Variants in BBS9 observed in about 807,000 individuals in gnomAD.
BBS9 encodes Bardet-Biedl syndrome 9.
A neutral mutation model predicts 117.7 loss-of-function variants in BBS9; 89 were observed. That is an observed-to-expected ratio of 0.76 (90% confidence interval 0.64 to 0.90). The LOEUF (loss-of-function observed/expected upper bound fraction) is 0.90. BBS9 is among the 40% of genes least tolerant of loss of function. The pLI is 0.00. For synonymous variants in BBS9, 379 were observed against 370.9 expected, an observed-to-expected ratio of 1.02 and a Z score of -0.25; for missense variants, 982 against 1,042.2, an observed-to-expected ratio of 0.94 and a Z score of 0.80.
At chr7:33,602,644 G>A (rs1214023294) in intron 21 of BBS9, among the ~76,000 whole-genome samples, 5 of 152,264 alleles carry the variant, frequency 3.3e-5, no homozygotes, top group South Asian at 2.1e-4. Context: ...CAGGAGAATC[G>A]CTTGAACCTG....
At chr7:33,268,572 T>C (rs1799208902) in intron 7 of BBS9, among the ~76,000 whole-genome samples, 1 of 152,222 alleles carries the variant, frequency 6.6e-6, no homozygotes, top group Non-Finnish European at 1.5e-5. Context: ...TTTTGTCCAC[T>C]TTGTCGTTGT....
rs904706508 is a variant in BBS9 at position 33,571,563 on chromosome 7, A to G, written c.2522-33302A>G. Among the ~76,000 whole-genome samples the G allele has an allele frequency of 5.3e-5, 8 of 152,046 alleles. No homozygotes were observed. In the South Asian group the frequency reaches 1.0e-3, roughly 20 times the overall value. Reference sequence around the variant, plus strand: ...ATTTAATTTTTCTTATTTTTTTGCCATATTTCTTTTAATTTTTATCTATAA... The same window carrying G: ...ATTTAATTTTTCTTATTTTTTTGCCGTATTTCTTTTAATTTTTATCTATAA... On this transcript the variant is annotated intron_variant, in intron 21 of 22. Transcript: ENST00000242067.
intron 19 of BBS9, among the ~76,000 whole-genome samples, chr7:33,486,156 GT>G (rs919341038): frequency 2.0e-5 from 3 of 151,522 alleles, no homozygotes; most frequent in Admixed American, 6.6e-5. Flanking sequence ...CTAAGGCACA[GT>G]TTTTTTTTCC....
At chr7:33,516,442 T>G (rs983728704) in intron 20 of BBS9, among the ~76,000 whole-genome samples, 1 of 135,610 alleles carries the variant, frequency 7.4e-6, no homozygotes, top group Non-Finnish European at 1.5e-5. Flanking sequence ...TGAGCTAAAA[T>G]TGCACCACTG....
chr7:33,275,042 A>G (rs140873417), intron 9 of BBS9, among the ~76,000 whole-genome samples: 340 of 150,734 alleles, frequency 2.3e-3, no homozygotes, highest in Non-Finnish European at 3.5e-3. Context: ...CTTCAGTGAC[A>G]CCTATAGTTT....
At chr7:33,326,912 G>T (rs1812976233) in intron 9 of BBS9, among the ~76,000 whole-genome samples, 1 of 151,704 alleles carries the variant, frequency 6.6e-6, no homozygotes, top group African/African-American at 2.4e-5. Context: ...GAAGGAAGGG[G>T]TCTTTTCCAG....
intron 5 of BBS9, among the ~76,000 whole-genome samples, chr7:33,224,125 A>G (rs1474435004): frequency 6.6e-6 from 1 of 152,200 alleles, no homozygotes; most frequent in African/African-American, 2.4e-5. Flanking sequence ...TTTATTATTT[A>G]TAATACTACT....
Position 33,600,198 on chromosome 7 carries a change from A to G in BBS9, c.2522-4667A>G, listed in dbSNP as rs139406266. On this transcript the variant is annotated intron_variant, in intron 21 of 22. Transcript: ENST00000242067. Reference sequence around the variant, plus strand: ...GCCGGAAGACTGGCATCTGTCTGCAAACTTTTTGTTACCTGACATTCACAA... The same window carrying G: ...GCCGGAAGACTGGCATCTGTCTGCAGACTTTTTGTTACCTGACATTCACAA... Among the ~76,000 whole-genome samples the G allele has an allele frequency of 2.6e-3, 393 of 152,328 alleles. 3 individuals are homozygous for G. Among genetic ancestry groups the G allele is most frequent in the African/African-American group, 8.9e-3 (368 of 41,580 alleles).
chr7:33,583,650 G>C (rs777584557), intron 21 of BBS9, among the ~76,000 whole-genome samples: 1 of 152,046 alleles, frequency 6.6e-6, no homozygotes, highest in Non-Finnish European at 1.5e-5. Flanking sequence ...AACATCTAGG[G>C]TATTTGAGAG....
At chr7:33,447,041 A>G (rs1380001898) in intron 19 of BBS9, among the ~76,000 whole-genome samples, 1 of 152,262 alleles carries the variant, frequency 6.6e-6, no homozygotes, top group Non-Finnish European at 1.5e-5. Context: ...AGTATGTTAC[A>G]TTATTGAAGG....
chr7:33,448,148 C>T (rs1421709223), intron 19 of BBS9, among the ~76,000 whole-genome samples: 2 of 152,134 alleles, frequency 1.3e-5, no homozygotes, highest in Non-Finnish European at 2.9e-5. Context: ...GTTTTCCGGA[C>T]TCTGCTTGTC....
chr7:33,489,182 T>C (rs1223476360), intron 19 of BBS9, among the ~76,000 whole-genome samples: 1 of 151,594 alleles, frequency 6.6e-6, no homozygotes, highest in East Asian at 1.9e-4. Flanking sequence ...TTAGTAGAGA[T>C]GGGGTTTCGC....
chr7:33,398,834 C>T (rs77653325), intron 19 of BBS9, among the ~76,000 whole-genome samples: 2,329 of 152,202 alleles, frequency 0.015, 70 homozygotes, highest in African/African-American at 0.053. Flanking sequence ...TACAGGCACG[C>T]GCCACCAAAC....
intron 9 of BBS9, among the ~76,000 whole-genome samples, chr7:33,300,230 C>A (rs994224536): frequency 3.3e-5 from 5 of 152,126 alleles, no homozygotes; most frequent in Non-Finnish European, 7.4e-5. Context: ...CTGACCCCAC[C>A]TTCCTCCCTC....
At position 33,505,637 on chromosome 7, in the gene BBS9, C is replaced by G. The variant is rs1846051214; in HGVS notation, c.2290C>G (p.Gln764Glu). ...AAFLPLQEDT[Q>E]ELGWEETVDA... Reference sequence around the variant, plus strand: ...ATTTCTGCCGCTACAAGAAGACACTCAAGAATTGGTAAGGACCTGAAAGCC... The same window carrying G: ...ATTTCTGCCGCTACAAGAAGACACTGAAGAATTGGTAAGGACCTGAAAGCC... Residue 764 changes from glutamine to glutamate, a missense_variant, in exon 20 of 23, where the codon CAA becomes GAA. Coordinates refer to ENST00000242067, the MANE Select transcript of BBS9 (RefSeq NM_198428.3). 3.7e-6 allele frequency: 6 copies of G among 1,613,378 alleles called. No individual in the cohort carries two copies. In the East Asian group the frequency reaches 1.1e-4, roughly 30 times the overall value.
chr7:33,469,677 A>G (rs888503403), intron 19 of BBS9, among the ~76,000 whole-genome samples: 2 of 152,162 alleles, frequency 1.3e-5, no homozygotes, highest in Non-Finnish European at 2.9e-5. Flanking sequence ...GCAAAGCCAA[A>G]AAAGTAACTT....
intron 5 of BBS9, among the ~76,000 whole-genome samples, chr7:33,221,924 T>C (rs557115270): frequency 1.3e-5 from 2 of 152,120 alleles, no homozygotes; most frequent in East Asian, 1.9e-4. Context: ...CACACACACA[T>C]ATATGATATG....
At position 33,597,186 on chromosome 7, in the gene BBS9, G is replaced by A. The variant is rs994424464; in HGVS notation, c.2522-7679G>A. On this transcript the variant is annotated intron_variant, in intron 21 of 22. Transcript: ENST00000242067. ...GGAAGCTTCATATTTAAGATAGTGC[G>A]ATATTCTTTTCAAAGGACCCATTCC... Among the ~76,000 whole-genome samples, 165 of 151,654 alleles carry A rather than the reference G, an allele frequency of 1.1e-3. 2 individuals carry two copies. Among genetic ancestry groups the A allele is most frequent in the African/African-American group, 3.8e-3 (158 of 41,308 alleles).
chr7:33,392,831 T>G (rs79825247), intron 19 of BBS9, among the ~76,000 whole-genome samples: 2,371 of 152,240 alleles, frequency 0.016, 24 homozygotes, highest in Non-Finnish European at 0.023. Flanking sequence ...CTGAAGATAA[T>G]TTATCTGAAA....
Sources: allele counts gnomAD v4.1 joint callset (sites outside exome capture counted in the v4.1 genomes callset), GRCh38; gene constraint gnomAD v4.1.1; transcripts MANE v1.5; gene names NCBI Gene and HGNC (gene_info 2026-07-23, HGNC 2026-07-21).